CACNA2D3: variants seen among roughly 807,000 people sequenced by gnomAD.
The protein encoded by CACNA2D3 is calcium voltage-gated channel auxiliary subunit alpha2delta 3.
CACNA2D3 carries 60 observed loss-of-function variants against 160.6 expected under a neutral mutation model. The ratio of observed to expected loss-of-function variants is 0.37; its 90% CI spans 0.30 to 0.46. CACNA2D3 has a LOEUF of 0.46. Ranked by LOEUF, CACNA2D3 falls within the 20% of genes least tolerant of loss-of-function variation. The probability of loss-of-function intolerance (pLI) is 1.00; values close to 1 mark genes in which losing one functional copy is unlikely to be tolerated. For synonymous variants in CACNA2D3, 558 were observed against 492.9 expected (o/e 1.13, Z -1.75); for missense variants, 1,205 against 1,365.0 (o/e 0.88, Z 1.85).
At position 54,511,640 on chromosome 3, in the gene CACNA2D3, C is replaced by T. The variant is rs147914394; in HGVS notation, c.544+7986C>T. On this transcript the variant is annotated intron_variant, in intron 5 of 37. Transcript: ENST00000474759. ...AGGAATGGGAGTCCAGATGGAGTCT[C>T]GCAGTTGGATAGGAGCTGCACCTAG... Among the ~76,000 whole-genome samples, 1,206 of 152,128 alleles carry T rather than the reference C, an allele frequency of 7.9e-3. 11 individuals are homozygous for T. Among genetic ancestry groups the T allele is most frequent in the African/African-American group, 0.025 (1,044 of 41,482 alleles).
chr3:54,638,148 G>C (rs891141783), intron 10 of CACNA2D3: 3 of 151,952 alleles, frequency 2.0e-5, no homozygotes, highest in Admixed American at 6.5e-5. Context: ...AGTTTTTGGA[G>C]TTTTATTTAA....
intron 29 of CACNA2D3, among the ~76,000 whole-genome samples, chr3:54,972,053 G>A (rs1244542029): frequency 1.3e-5 from 2 of 152,158 alleles, no homozygotes; most frequent in African/African-American, 4.8e-5. Context: ...GTGGTTTCAG[G>A]TTGCTGGATT....
intron 35 of CACNA2D3, among the ~76,000 whole-genome samples, chr3:55,056,143 G>A (rs1457355251): frequency 6.6e-6 from 1 of 152,014 alleles, no homozygotes; most frequent in Non-Finnish European, 1.5e-5. Flanking sequence ...AGTGGACAAG[G>A]GACCTGAATC....
At chr3:54,422,660 AATAATG>A (rs959766339) in intron 4 of CACNA2D3, among the ~76,000 whole-genome samples, 1 of 151,920 alleles carries the variant, frequency 6.6e-6, no homozygotes, top group Non-Finnish European at 1.5e-5. Flanking sequence ...TTGGCAAAAT[AATAATG>A]ATGATGATGA....
rs998279916 is a variant in CACNA2D3, at chr3:54,569,712, A to G, written c.677-83A>G. 144 of 1,146,132 alleles carry G rather than the reference A, an allele frequency of 1.3e-4. 1 individual carries two copies. The East Asian group carries it at 3.4e-3, about 27-fold the overall frequency. 71.0% of individuals were successfully genotyped at this position (1,146,132 alleles called of 1,614,324 possible). A position where few individuals can be genotyped will look rare whatever the true frequency, so the allele number is the denominator to read the frequency against. On this transcript the variant is annotated intron_variant, in intron 6 of 37. Transcript: ENST00000474759. ...TGTGATTTTTCACCCTGTCCATTCA[A>G]TCAGCAAAGTAGAGCAGCCTTGAAA... is the stretch of plus-strand genomic sequence containing the variant.
chr3:54,754,837 T>G (rs1363128962), intron 12 of CACNA2D3, among the ~76,000 whole-genome samples: 1 of 152,110 alleles, frequency 6.6e-6, no homozygotes, highest in African/African-American at 2.4e-5. Flanking sequence ...CAAAGTTGTT[T>G]TAGGTGCAAG....
At chr3:54,820,948 G>C (rs990597825) in intron 14 of CACNA2D3, among the ~76,000 whole-genome samples, 1 of 152,110 alleles carries the variant, frequency 6.6e-6, no homozygotes, top group Non-Finnish European at 1.5e-5. Context: ...TTCACTGCAG[G>C]ATTAATTTAA....
intron 27 of CACNA2D3, chr3:54,918,641 T>C: frequency 6.2e-7 from 1 of 1,614,164 alleles, no homozygotes; most frequent in South Asian, 1.1e-5. Flanking sequence ...ACAGTGGCAA[T>C]GGCATGACGC....
intron 29 of CACNA2D3, among the ~76,000 whole-genome samples, chr3:54,973,985 C>G (rs1399091638): frequency 1.3e-5 from 2 of 152,104 alleles, no homozygotes; most frequent in African/African-American, 2.4e-5. Context: ...GTGTGTTTCT[C>G]TCTCCCTCTC....
chr3:54,727,968 G>T (rs947095459), intron 11 of CACNA2D3, among the ~76,000 whole-genome samples: 1 of 151,912 alleles, frequency 6.6e-6, no homozygotes, highest in Non-Finnish European at 1.5e-5. Flanking sequence ...AAGTTCAATT[G>T]TTAGTCTTAT....
intron 11 of CACNA2D3, among the ~76,000 whole-genome samples, chr3:54,696,437 T>G (rs1006583437): frequency 2.6e-5 from 4 of 152,258 alleles, no homozygotes; most frequent in African/African-American, 9.6e-5. Context: ...GTTTGACTTC[T>G]GTCATCAGCT....
chr3:54,721,762 C>CAAAA (rs34393649), intron 11 of CACNA2D3, among the ~76,000 whole-genome samples: 9 of 106,302 alleles, frequency 8.5e-5, no homozygotes, highest in Non-Finnish European at 1.3e-4. Flanking sequence ...AACTCCATCT[C>CAAAA]AAAAAAAAAA....
At chr3:55,040,767 T>C (rs1314294581) in intron 35 of CACNA2D3, among the ~76,000 whole-genome samples, 2 of 152,176 alleles carry the variant, frequency 1.3e-5, no homozygotes, top group African/African-American at 4.8e-5. Context: ...TTTTTCGTTA[T>C]TGTTATTTTT....
intron 16 of CACNA2D3, 43 bp downstream of exon 16, chr3:54,838,691 C>A: frequency 7.1e-7 from 1 of 1,398,970 alleles, no homozygotes. Context: ...AACAGAGATG[C>A]CCAGAGCCTT....
chr3:54,518,668 G>T (rs1285106242), intron 5 of CACNA2D3, among the ~76,000 whole-genome samples: 1 of 152,164 alleles, frequency 6.6e-6, no homozygotes, highest in Admixed American at 6.5e-5. Flanking sequence ...CTTTTCCTCT[G>T]TAGCTCATTC....
chr3:54,696,713 G>A (rs868183684), intron 11 of CACNA2D3, among the ~76,000 whole-genome samples: 13 of 152,122 alleles, frequency 8.5e-5, no homozygotes, highest in Non-Finnish European at 1.6e-4. Flanking sequence ...CCACTTCATG[G>A]AAGACCCTAT....
At chr3:54,716,380 G>C (rs1701050029) in intron 11 of CACNA2D3, among the ~76,000 whole-genome samples, 1 of 152,262 alleles carries the variant, frequency 6.6e-6, no homozygotes, top group African/African-American at 2.4e-5. Context: ...ATGTAAAGGG[G>C]AAAAGTGGGC....
intron 11 of CACNA2D3, among the ~76,000 whole-genome samples, chr3:54,666,391 A>T (rs2106890071): frequency 6.6e-6 from 1 of 152,350 alleles, no homozygotes; most frequent in Non-Finnish European, 1.5e-5. Context: ...AGCTCTGCCT[A>T]GGTTTCTCTT....
intron 12 of CACNA2D3, among the ~76,000 whole-genome samples, chr3:54,754,878 G>C (rs1293716687): frequency 2.6e-5 from 4 of 152,120 alleles, no homozygotes; most frequent in African/African-American, 9.7e-5. Flanking sequence ...AATTAAAAAA[G>C]GGGGCATTTT....
Sources: allele counts gnomAD v4.1 joint callset (sites outside exome capture counted in the v4.1 genomes callset), GRCh38; gene constraint gnomAD v4.1.1; transcripts MANE v1.5; gene names NCBI Gene and HGNC (gene_info 2026-07-23, HGNC 2026-07-21).